The following SPPL2B variants were observed in gnomAD, a reference collection of about 807,000 sequenced individuals.
The protein encoded by SPPL2B is signal peptide peptidase-like 2B.
In SPPL2B, 39 loss-of-function variants were observed where a neutral mutation model predicts 59.7. The observed-to-expected ratio is 0.65, with a 90% CI of 0.51 to 0.85. The LOEUF is 0.85. Ranked by LOEUF, SPPL2B falls within the 40% of genes least tolerant of loss-of-function variation. The probability of loss-of-function intolerance (pLI) is 0.00; values close to 1 mark genes in which losing one functional copy is unlikely to be tolerated. For missense variants in SPPL2B, 865 were observed against 849.0 expected (o/e 1.02, Z -0.23); for synonymous variants, 419 against 370.8 (o/e 1.13, Z -1.49).
At chr19:2,330,197 C>T (rs939801731) in intron 1 of SPPL2B, 2 of 151,976 alleles carry the variant, frequency 1.3e-5, no homozygotes, top group African/African-American at 4.8e-5. Flanking sequence ...CAACCTCTGC[C>T]TCCCGGTTCA....
At chr19:2,344,924 G>T (rs981971598) in intron 12 of SPPL2B, among the ~76,000 whole-genome samples, 17 of 152,142 alleles carry the variant, frequency 1.1e-4, no homozygotes, top group South Asian at 4.1e-4. Flanking sequence ...GTTGTGCAGG[G>T]GTCCTTGCTG....
At position 2,337,503 on chromosome 19, in the gene SPPL2B, G is replaced by C. The variant is rs749678289; in HGVS notation, c.247G>C (p.Ala83Pro). ...SLLCSAADLP[A>P]RGFSNQIPLV... is the part of the protein sequence containing the mutation. The stretch of plus-strand genomic sequence containing the variant: ...GCTCTGCTCCGCAGCCGACCTCCCC[G>C]CCCGTGGCTTCAGCAACCAGATCCC... The change falls in exon 3 of 15, where the codon GCC becomes CCC. Residue 83 changes from alanine (A) to proline (P), a missense_variant. Physicochemically the swap from Ala to Pro is conservative, Grantham distance 27. Transcript: ENST00000613503. The C allele has an allele frequency of 6.2e-7, 1 of 1,613,250 alleles. No individual in the cohort carries two copies. Among genetic ancestry groups the C allele is most frequent in the African/African-American group, 1.3e-5 (1 of 75,050 alleles).
intron 1 of SPPL2B, 58 bp from the exon 2 acceptor site, chr19:2,334,544 G>A: frequency 6.4e-7 from 1 of 1,554,582 alleles, no homozygotes; most frequent in Non-Finnish European, 8.7e-7. Context: ...TTTCTCGTGG[G>A]GCGGTGCAGC....
chr19:2,350,507 T>A (rs1008708770), intron 13 of SPPL2B, among the ~76,000 whole-genome samples: 1 of 151,618 alleles, frequency 6.6e-6, no homozygotes, highest in Non-Finnish European at 1.5e-5. Context: ...CCATTCTCTC[T>A]CTCTCCACAC....
intron 13 of SPPL2B, among the ~76,000 whole-genome samples, chr19:2,346,587 A>G (rs1484917380): frequency 6.6e-6 from 1 of 152,170 alleles, no homozygotes; most frequent in African/African-American, 2.4e-5. Context: ...GGATCGCTTG[A>G]GCCTGGGAGT....
intron 9 of SPPL2B, among the ~76,000 whole-genome samples, 195 bp downstream of exon 9, chr19:2,343,487 G>GGGTGGCTGCGGGGC (rs1194281700): frequency 6.6e-6 from 1 of 152,230 alleles, no homozygotes; most frequent in Non-Finnish European, 1.5e-5. Flanking sequence ...CGGCCTGGGT[G>GGGTGGCTGCGGGGC]GGTGGCTGCG....
At chr19:2,347,227 ACGCG>A (rs1349598066) in intron 13 of SPPL2B, among the ~76,000 whole-genome samples, 5 of 120,942 alleles carry the variant, frequency 4.1e-5, no homozygotes, top group South Asian at 2.9e-4. Context: ...ACACACACTC[ACGCG>A]CTCTCATTCG....
intron 2 of SPPL2B, chr19:2,337,100 TC>T: frequency 4.2e-6 from 1 of 237,852 alleles, no homozygotes; most frequent in Non-Finnish European, 8.2e-6. Context: ...CTGGAAACCC[TC>T]CCCCTTCTCA....
rs1970028882 is a variant in SPPL2B at position 2,353,187 on chromosome 19, C to T, written c.1757C>T (p.Thr586Ile). ...GRDQAQPSPV[T>I]QPGASA Reference sequence around the variant, plus strand: ...GACCAGGCCCAGCCGTCCCCGGTAACCCAGCCTGGCGCCTCGGCCTAGGGG... The same window carrying T: ...GACCAGGCCCAGCCGTCCCCGGTAATCCAGCCTGGCGCCTCGGCCTAGGGG... The change falls in exon 15 of 15, where the codon ACC becomes ATC. Residue 586 changes from threonine (T) to isoleucine (I), a missense_variant. Transcript: ENST00000613503. The T allele has an allele frequency of 3.7e-6, 6 of 1,605,178 alleles. No homozygotes were observed. In the South Asian group the frequency reaches 5.5e-5, roughly 15 times the overall value.
chr19:2,344,072 C>T, intron 10 of SPPL2B, 33 bp downstream of exon 10: 2 of 1,459,964 alleles, frequency 1.4e-6, no homozygotes, highest in East Asian at 5.2e-5. Context: ...TCCACCCCAT[C>T]ACCCCGCTCC....
chr19:2,334,946 G>A (rs1471027576), intron 2 of SPPL2B, among the ~76,000 whole-genome samples: 2 of 152,088 alleles, frequency 1.3e-5, no homozygotes, highest in African/African-American at 2.4e-5. Flanking sequence ...AGAGGCACCG[G>A]CCGAGCTCCA....
Position 2,340,163 on chromosome 19 carries a change from G to A in SPPL2B, c.830G>A (p.Gly277Asp). ...CCCTGTGTGCGGCGGCTGCCCTTCG[G>A]CAAGTGCAGGTGAGTCTGCCCTGCT... Reference protein sequence around the residue: ...LAPCVRRLPFGKCRIPNNSLP... With the variant: ...LAPCVRRLPFDKCRIPNNSLP... The change falls in exon 7 of 15, where the codon GGC becomes GAC. Residue 277 changes from glycine to aspartate, a missense_variant. Coordinates refer to ENST00000613503, the MANE Select transcript of SPPL2B (RefSeq NM_152988.3). 3 of 1,569,506 alleles carry A rather than the reference G, an allele frequency of 1.9e-6. No homozygotes were observed. The highest frequency in any genetic ancestry group is 2.6e-6 in the Non-Finnish European group (3 of 1,164,964).
intron 2 of SPPL2B, among the ~76,000 whole-genome samples, 157 bp downstream of exon 2, chr19:2,334,878 G>C (rs1035489978): frequency 1.3e-5 from 2 of 152,172 alleles, no homozygotes; most frequent in Admixed American, 6.5e-5. Flanking sequence ...GTTCCCCTGG[G>C]CCTCCCCAAC....
chr19:2,339,628 G>T, intron 5 of SPPL2B, 196 bp from the exon 6 acceptor site: 1 of 644,282 alleles, frequency 1.6e-6, no homozygotes, highest in Non-Finnish European at 2.7e-6. Flanking sequence ...ACCCAGGGAC[G>T]CGGGCCCTGC....
Position 2,339,860 on chromosome 19 carries a change from G to T in SPPL2B, c.636G>T (p.Glu212Asp). 6.2e-7 allele frequency: 1 copy of T among 1,604,764 alleles called. No homozygotes were observed. Among genetic ancestry groups the T allele is most frequent in the Non-Finnish European group, 8.5e-7 (1 of 1,175,786 alleles). Reference protein sequence around the residue: ...YMKHKRDDGPEKQEDEAVDVT... With the variant: ...YMKHKRDDGPDKQEDEAVDVT... ...AGCACAAGCGCGACGATGGGCCCGAGAAGCAGGAGGACGAGGCGGTGGACG... is the reference window on the plus strand; with the variant it reads ...AGCACAAGCGCGACGATGGGCCCGATAAGCAGGAGGACGAGGCGGTGGACG... The change falls in exon 6 of 15, where the codon GAG (glutamate) becomes GAT (aspartate). Residue 212 changes from glutamate to aspartate, a missense_variant. By Grantham distance (45) the Glu-to-Asp change is conservative. Coordinates refer to ENST00000613503, the MANE Select transcript of SPPL2B (RefSeq NM_152988.3).
At chr19:2,347,243 T>G (rs977243213) in intron 13 of SPPL2B, among the ~76,000 whole-genome samples, 1 of 116,516 alleles carries the variant, frequency 8.6e-6, no homozygotes, top group South Asian at 3.2e-4. Context: ...TCTCATTCGC[T>G]TGATGCCGTT....
Position 2,340,124 on chromosome 19 carries a change from A to G in SPPL2B, c.791A>G (p.Tyr264Cys), listed in dbSNP as rs766195711. 1.3e-6 allele frequency: 2 copies of G among 1,593,958 alleles called. No homozygotes were observed. The highest frequency in any genetic ancestry group is 1.7e-6 in the Non-Finnish European group (2 of 1,175,956). Reference protein sequence around the residue: ...IFCLASATGLYSCLAPCVRRL... With the variant: ...IFCLASATGLCSCLAPCVRRL... ...TGCCTGGCCTCCGCCACCGGCCTCT[A>G]CAGCTGCCTGGCGCCCTGTGTGCGG... Residue 264 changes from tyrosine (Y) to cysteine (C), a missense_variant, in exon 7 of 15, where the codon TAC becomes TGC. Coordinates refer to ENST00000613503, the MANE Select transcript of SPPL2B (RefSeq NM_152988.3).
At chr19:2,349,750 C>T (rs1401489641) in intron 13 of SPPL2B, among the ~76,000 whole-genome samples, 1 of 144,926 alleles carries the variant, frequency 6.9e-6, no homozygotes, top group African/African-American at 2.8e-5. Context: ...TCTCTCCACA[C>T]ACATGCGCTC....
At chr19:2,335,516 G>A (rs910574959) in intron 2 of SPPL2B, among the ~76,000 whole-genome samples, 4 of 142,908 alleles carry the variant, frequency 2.8e-5, no homozygotes, top group African/African-American at 5.3e-5. Flanking sequence ...CTCAGGCCCC[G>A]CCTCCTTTCT....
Sources: gnomAD v4.1 joint callset for allele counts (sites outside exome capture counted in the v4.1 genomes callset) on GRCh38, gnomAD v4.1.1 for gene constraint, MANE v1.5 for transcripts, NCBI Gene and HGNC (gene_info 2026-07-23, HGNC 2026-07-21) for gene names.